KDM4C: variants seen among roughly 807,000 people sequenced by gnomAD.
The protein encoded by KDM4C is lysine demethylase 4C.
Under a neutral mutation model 129.3 loss-of-function variants are expected in KDM4C, and 81 were observed. The ratio of observed to expected loss-of-function variants is 0.63; its 90% CI spans 0.52 to 0.75. KDM4C has a LOEUF of 0.75. KDM4C is among the 30% of genes least tolerant of loss of function. The pLI, the probability that KDM4C is intolerant of heterozygous loss-of-function variation, is 0.00. For synonymous variants in KDM4C, 573 were observed against 456.1 expected, an observed-to-expected ratio of 1.26 and a Z score of -3.26; for missense variants, 1,457 against 1,304.0, an observed-to-expected ratio of 1.12 and a Z score of -1.81.
chr9:6,905,802 GT>G (rs1309754159), intron 8 of KDM4C, among the ~76,000 whole-genome samples: 1 of 152,216 alleles, frequency 6.6e-6, no homozygotes, highest in African/African-American at 2.4e-5. Flanking sequence ...AAATCAGCCT[GT>G]GACTTCATTC....
chr9:6,789,387 A>G (rs1285055241), intron 1 of KDM4C, among the ~76,000 whole-genome samples: 1 of 151,682 alleles, frequency 6.6e-6, no homozygotes, highest in Non-Finnish European at 1.5e-5. Context: ...CGCCTGGCTA[A>G]TTTTTGTATT....
intron 4 of KDM4C, chr9:6,819,150 C>T (rs1157558332): frequency 1.3e-5 from 2 of 152,122 alleles, no homozygotes; most frequent in African/African-American, 4.8e-5. Context: ...GAGTTAGAAG[C>T]AGCATGTTTG....
intron 1 of KDM4C, among the ~76,000 whole-genome samples, chr9:6,732,225 C>G (rs548601692): frequency 6.6e-6 from 1 of 150,828 alleles, no homozygotes; most frequent in Non-Finnish European, 1.5e-5. Flanking sequence ...ATTAGCCGGG[C>G]GTGGTGGTGG....
intron 5 of KDM4C, among the ~76,000 whole-genome samples, chr9:6,867,825 C>T (rs1326460379): frequency 1.3e-5 from 2 of 152,120 alleles, no homozygotes; most frequent in Admixed American, 6.5e-5. Flanking sequence ...GCTTTTAGCC[C>T]CTCCCCTGCA....
chr9:6,947,177 A>C (rs1827121024), intron 8 of KDM4C, among the ~76,000 whole-genome samples: 1 of 152,178 alleles, frequency 6.6e-6, no homozygotes, highest in Non-Finnish European at 1.5e-5. Flanking sequence ...TCTCTGAAGA[A>C]TGTCACCTTA....
chr9:7,168,489 C>G (rs184264059), intron 20 of KDM4C, among the ~76,000 whole-genome samples: 1 of 152,234 alleles, frequency 6.6e-6, no homozygotes, highest in Non-Finnish European at 1.5e-5. Context: ...TTTCTGTTAG[C>G]TGGTGTTATT....
intron 16 of KDM4C, among the ~76,000 whole-genome samples, chr9:7,048,452 A>G (rs535116122): frequency 7.2e-5 from 11 of 152,208 alleles, no homozygotes; most frequent in African/African-American, 1.7e-4. Flanking sequence ...TATAACATTT[A>G]TGAGACATTT....
chr9:6,925,180 C>T (rs1822250544), intron 8 of KDM4C: 7 of 985,428 alleles, frequency 7.1e-6, no homozygotes, highest in South Asian at 4.7e-5. Flanking sequence ...CGTGCGTAAA[C>T]ATCCAGGGCT....
At chr9:6,751,220 C>T (rs888412047) in intron 1 of KDM4C, among the ~76,000 whole-genome samples, 3 of 152,030 alleles carry the variant, frequency 2.0e-5, no homozygotes, top group Admixed American at 2.0e-4. Flanking sequence ...CTGAGGCTGG[C>T]GGATTGCTTG....
At chr9:6,730,542 G>A (rs1415680249) in intron 1 of KDM4C, among the ~76,000 whole-genome samples, 1 of 151,776 alleles carries the variant, frequency 6.6e-6, no homozygotes, top group East Asian at 1.9e-4. Flanking sequence ...GTGAACCCGG[G>A]AGGCGGAGCT....
At chr9:6,875,265 T>C (rs901859564) in intron 5 of KDM4C, among the ~76,000 whole-genome samples, 2 of 152,146 alleles carry the variant, frequency 1.3e-5, no homozygotes, top group African/African-American at 4.8e-5. Flanking sequence ...AGACCCTTCC[T>C]CTTAGGGAGC....
intron 3 of KDM4C, among the ~76,000 whole-genome samples, chr9:6,808,466 G>A (rs1383805126): frequency 7.4e-6 from 1 of 134,664 alleles, no homozygotes; most frequent in Non-Finnish European, 1.5e-5. Flanking sequence ...GGTGCAAGAT[G>A]TGCTTTGTTA....
At chr9:7,091,478 A>G (rs911090137) in intron 17 of KDM4C, among the ~76,000 whole-genome samples, 2 of 152,220 alleles carry the variant, frequency 1.3e-5, no homozygotes, top group Non-Finnish European at 2.9e-5. Context: ...GCAGAAATAC[A>G]CATCCCCTAT....
At chr9:6,989,920 A>C (rs1371449881) in intron 11 of KDM4C, among the ~76,000 whole-genome samples, 1 of 145,946 alleles carries the variant, frequency 6.9e-6, no homozygotes, top group African/African-American at 2.5e-5. Context: ...GACCACAGGC[A>C]TATGCCTCTA....
intron 15 of KDM4C, among the ~76,000 whole-genome samples, chr9:7,019,515 A>G (rs1348211496): frequency 6.6e-6 from 1 of 151,690 alleles, no homozygotes; most frequent in Non-Finnish European, 1.5e-5. Flanking sequence ...ATATTCCTAT[A>G]GCATATTCAG....
rs992713790 is a variant in KDM4C at position 6,790,718 on chromosome 9, T to C, written c.-17-2254T>C. Among the ~76,000 whole-genome samples, 6 of 149,904 alleles carry C rather than the reference T, an allele frequency of 4.0e-5. No homozygotes were observed. In the East Asian group the frequency reaches 1.2e-3, roughly 30 times the overall value. On this transcript the variant is annotated intron_variant, in intron 1 of 21. Transcript: ENST00000381309. ...TTTTTCCAGGAGGATTTGTTGTTTG[T>C]GCTGTCAGATGCCAGGTCCTAATGG...
At chr9:6,949,252 T>C (rs190696059) in intron 8 of KDM4C, among the ~76,000 whole-genome samples, 1,629 of 115,710 alleles carry the variant, frequency 0.014, 21 homozygotes, top group African/African-American at 0.049. Flanking sequence ...CAGACGGGGT[T>C]GCGGCCGGGC....
chr9:7,019,520 A>G (rs62534414), intron 15 of KDM4C, among the ~76,000 whole-genome samples: 2,461 of 151,704 alleles, frequency 0.016, 37 homozygotes, highest in Non-Finnish European at 0.024. Context: ...CCTATAGCAT[A>G]TTCAGTTTGA....
intron 1 of KDM4C, among the ~76,000 whole-genome samples, chr9:6,745,113 A>C (rs558279118): frequency 6.6e-6 from 1 of 152,292 alleles, no homozygotes; most frequent in East Asian, 1.9e-4. Context: ...TTTCTGGGTC[A>C]AACATCCCAA....
Sources: allele counts gnomAD v4.1 joint callset (sites outside exome capture counted in the v4.1 genomes callset), GRCh38; gene constraint gnomAD v4.1.1; transcripts MANE v1.5; gene names NCBI Gene and HGNC (gene_info 2026-07-23, HGNC 2026-07-21).